RANBP2: variants seen among roughly 807,000 people sequenced by gnomAD.
RANBP2 encodes the protein E3 SUMO-protein ligase RanBP2.
Under a neutral mutation model 303.6 loss-of-function variants are expected in RANBP2, and 57 were observed. That is an observed-to-expected ratio of 0.19 (90% confidence interval 0.15 to 0.23). RANBP2 has a LOEUF of 0.23. RANBP2 is among the 10% of genes least tolerant of loss of function. The pLI is 1.00. For synonymous variants in RANBP2, 1,167 were observed against 1,301.5 expected, an observed-to-expected ratio of 0.90 and a Z score of 2.23; for missense variants, 3,138 against 3,780.8, an observed-to-expected ratio of 0.83 and a Z score of 4.46.
the RANBP2 span, among the ~76,000 whole-genome samples, chr2:109,571,128 T>C: frequency 5.3e-5 from 8 of 152,182 alleles, no homozygotes; most frequent in African/African-American, 1.9e-4. Flanking sequence ...ATATAAGACA[T>C]GCCTGCTTCC....
chr2:109,258,396 G>A, the RANBP2 span, among the ~76,000 whole-genome samples: 1 of 152,192 alleles, frequency 6.6e-6, no homozygotes, highest in Non-Finnish European at 1.5e-5. Flanking sequence ...TTTTCTGCAG[G>A]GGTCTCTACA....
chr2:108,739,089 A>G (rs1479427981), intron 6 of RANBP2, among the ~76,000 whole-genome samples: 1 of 152,092 alleles, frequency 6.6e-6, no homozygotes, highest in Admixed American at 6.5e-5. Flanking sequence ...TAAAACTATT[A>G]CATGTCATGA....
downstream of RANBP2, among the ~76,000 whole-genome samples, chr2:108,787,102 G>A (rs1346224417): frequency 6.6e-6 from 1 of 152,186 alleles, no homozygotes; most frequent in Non-Finnish European, 1.5e-5. Flanking sequence ...CGGGGGTGCG[G>A]GGGTGCCGCT....
chr2:109,227,296 C>T, the RANBP2 span, among the ~76,000 whole-genome samples: 1 of 152,138 alleles, frequency 6.6e-6, no homozygotes. Flanking sequence ...CTGTGAATGT[C>T]AGGCACACAA....
At chr2:109,349,828 C>T in the RANBP2 span, among the ~76,000 whole-genome samples, 1 of 152,266 alleles carries the variant, frequency 6.6e-6, no homozygotes, top group Non-Finnish European at 1.5e-5. Context: ...CTGCTGCATT[C>T]CACGGGCCTC....
the RANBP2 span, among the ~76,000 whole-genome samples, chr2:109,242,742 G>A: frequency 6.6e-6 from 1 of 152,194 alleles, no homozygotes; most frequent in Non-Finnish European, 1.5e-5. Flanking sequence ...TCCACAGCTG[G>A]GCCTTGATCT....
At chr2:109,006,267 C>G in the RANBP2 span, among the ~76,000 whole-genome samples, 1 of 151,968 alleles carries the variant, frequency 6.6e-6, no homozygotes, top group Non-Finnish European at 1.5e-5. Context: ...GATCTCGGCT[C>G]GCTGCAACCT....
the RANBP2 span, among the ~76,000 whole-genome samples, chr2:108,942,522 G>A: frequency 2.0e-5 from 3 of 152,370 alleles, no homozygotes; most frequent in East Asian, 5.8e-4. Flanking sequence ...ATGAACCACG[G>A]CGACGGCAGG....
At chr2:109,546,317 G>T in the RANBP2 span, 3 of 872,208 alleles carry the variant, frequency 3.4e-6, no homozygotes, top group Non-Finnish European at 5.1e-6. Flanking sequence ...ACACAAAGGC[G>T]GACCCCATAG....
the RANBP2 span, among the ~76,000 whole-genome samples, chr2:108,847,635 A>G: frequency 7.2e-5 from 11 of 152,188 alleles, no homozygotes; most frequent in Non-Finnish European, 1.5e-4. Context: ...AAATGTGATA[A>G]TTTTTGTTAA....
chr2:109,677,547 G>A, the RANBP2 span, among the ~76,000 whole-genome samples: 54 of 152,208 alleles, frequency 3.5e-4, no homozygotes, highest in Non-Finnish European at 5.3e-4. Context: ...TGTATGGGTC[G>A]CCAGAGGTAC....
chr2:109,548,962 A>G, the RANBP2 span, among the ~76,000 whole-genome samples: 1 of 152,192 alleles, frequency 6.6e-6, no homozygotes, highest in Non-Finnish European at 1.5e-5. Context: ...CAAGGGAAAC[A>G]AGGTTAAAAC....
chr2:109,296,119 C>A, the RANBP2 span, among the ~76,000 whole-genome samples: 5 of 152,258 alleles, frequency 3.3e-5, no homozygotes, highest in East Asian at 9.7e-4. Flanking sequence ...ATTCACTGTT[C>A]TCTACGTCTG....
At chr2:109,713,702 G>A in the RANBP2 span, among the ~76,000 whole-genome samples, 3 of 152,150 alleles carry the variant, frequency 2.0e-5, no homozygotes, top group Non-Finnish European at 4.4e-5. Flanking sequence ...CAGGATAAAA[G>A]CACTCAACAG....
Position 108,785,461 on chromosome 2 carries a change from C to A in RANBP2, c.*1560C>A. 6.6e-6 allele frequency: 1 copy of A among 152,270 alleles called. No individual in the cohort carries two copies. The highest frequency in any genetic ancestry group is 1.9e-4 in the East Asian group (1 of 5,184). The allele number at this position is 152,270 out of a possible 1,614,324, so 9.4% of individuals were successfully genotyped here. A position where few individuals can be genotyped will look rare whatever the true frequency, so the allele number is the denominator to read the frequency against. ...CTTCGTCATGATTTTAGAATAAATTCTTAAGTTAATGCAAGTGCTTTTTAA... is the reference window on the plus strand; with the variant it reads ...CTTCGTCATGATTTTAGAATAAATTATTAAGTTAATGCAAGTGCTTTTTAA... On this transcript the variant is annotated 3_prime_UTR_variant, in exon 29 of 29. Transcript: ENST00000283195.
chr2:109,711,033 T>G, the RANBP2 span, among the ~76,000 whole-genome samples: 2 of 151,890 alleles, frequency 1.3e-5, no homozygotes, highest in African/African-American at 4.8e-5. Context: ...GTCCCAGGGC[T>G]TCAAATGCTG....
At chr2:108,961,255 A>ATT in the RANBP2 span, among the ~76,000 whole-genome samples, 1 of 151,834 alleles carries the variant, frequency 6.6e-6, no homozygotes, top group African/African-American at 2.4e-5. Context: ...AGGAAAGGGA[A>ATT]CAGTTGCCAG....
the RANBP2 span, among the ~76,000 whole-genome samples, chr2:109,404,886 G>A: frequency 4.6e-5 from 7 of 152,062 alleles, no homozygotes; most frequent in Non-Finnish European, 5.9e-5. Context: ...AGCACTTGAC[G>A]CTGTGGACAG....
At chr2:108,747,920 C>A (rs1302259484) in intron 8 of RANBP2, among the ~76,000 whole-genome samples, 1 of 152,154 alleles carries the variant, frequency 6.6e-6, no homozygotes, top group Non-Finnish European at 1.5e-5. Flanking sequence ...TTTCATCACT[C>A]CATGAGGAAT....
Sources: gnomAD v4.1 joint callset for allele counts (sites outside exome capture counted in the v4.1 genomes callset) on GRCh38, gnomAD v4.1.1 for gene constraint, MANE v1.5 for transcripts, NCBI Gene and HGNC (gene_info 2026-07-23, HGNC 2026-07-21) for gene names.